EBF3: variants seen among roughly 807,000 people sequenced by gnomAD.
EBF3 encodes the protein EBF transcription factor 3.
Under a neutral mutation model 77.1 loss-of-function variants are expected in EBF3, and 18 were observed. That is an observed-to-expected ratio of 0.23 (90% confidence interval 0.16 to 0.35). EBF3 has a LOEUF of 0.35. EBF3 is among the 10% of genes least tolerant of loss of function. The pLI, the probability that EBF3 is intolerant of heterozygous loss-of-function variation, is 1.00. For missense variants in EBF3, 558 were observed against 860.0 expected (o/e 0.65, Z 4.39); for synonymous variants, 350 against 343.5 (o/e 1.02, Z -0.21).
At position 129,864,889 on chromosome 10, in the gene EBF3, TC is replaced by T. The variant is rs773585334; in HGVS notation, c.1039+2251del. Among the ~76,000 whole-genome samples, 6 of 152,174 alleles carry T rather than the reference TC, an allele frequency of 3.9e-5. No homozygotes were observed. Among genetic ancestry groups the T allele is most frequent in the Non-Finnish European group, 8.8e-5 (6 of 68,030 alleles). On this transcript the variant is annotated intron_variant, in intron 10 of 16. Transcript: ENST00000440978. This position sits in a 1 kb window ranked among gnomAD's most constrained non-coding sequence, Gnocchi z 4.4. Reference sequence around the variant, plus strand: ...AGCCGAAGTTCACCCTCAGTGACTTTCCACAGGAAGGACCATTTATGGAGTG... The same window carrying T: ...AGCCGAAGTTCACCCTCAGTGACTTTCACAGGAAGGACCATTTATGGAGTG...
At chr10:129,892,187 C>T (rs561350076) in intron 6 of EBF3, among the ~76,000 whole-genome samples, 189 of 152,344 alleles carry the variant, frequency 1.2e-3, no homozygotes, top group African/African-American at 4.2e-3. Context: ...TGATGAGTAG[C>T]GGGGCTCTTA....
chr10:129,910,017 G>A (rs912158447), intron 6 of EBF3, among the ~76,000 whole-genome samples: 16 of 152,344 alleles, frequency 1.1e-4, no homozygotes, highest in Middle Eastern at 6.8e-3. Context: ...CAGATCCGCC[G>A]ACACCAGCAG....
At chr10:129,888,529 C>G (rs1239024155) in intron 6 of EBF3, among the ~76,000 whole-genome samples, 2 of 152,244 alleles carry the variant, frequency 1.3e-5, no homozygotes, top group African/African-American at 4.8e-5. Context: ...CTACTGATAC[C>G]TGCGCTTTTG....
At chr10:129,866,146 G>A (rs886131386) in intron 10 of EBF3, among the ~76,000 whole-genome samples, 3 of 152,172 alleles carry the variant, frequency 2.0e-5, no homozygotes, top group Admixed American at 6.5e-5. Context: ...TTTTGAGATA[G>A]GGTCTTGCTT....
At chr10:129,910,921 G>A (rs1282501034) in intron 6 of EBF3, among the ~76,000 whole-genome samples, 1 of 152,186 alleles carries the variant, frequency 6.6e-6, no homozygotes, top group Non-Finnish European at 1.5e-5. Context: ...TGGGGCACAG[G>A]TGCCAGCAGG....
chr10:129,959,608 C>T (rs1296982655), intron 4 of EBF3, among the ~76,000 whole-genome samples: 2 of 151,782 alleles, frequency 1.3e-5, no homozygotes, highest in African/African-American at 2.4e-5. Flanking sequence ...CGCGGCTTCC[C>T]GCGTTCCAAA....
intron 15 of EBF3, 118 bp downstream of exon 15, chr10:129,840,127 C>T (rs929696967): frequency 8.6e-5 from 115 of 1,342,280 alleles, no homozygotes; most frequent in Non-Finnish European, 1.1e-4. Flanking sequence ...AGGTGGGCCA[C>T]GGGAGAACAT....
In EBF3 at chr10:129,842,389, C is replaced by G. The variant is rs1850136852; in HGVS notation, c.1195-96G>C. ...CCACCATGGTGGCATCCCACTGTCCCTTGCCCAGACCATGACCAAATCTAT... is the reference window on the plus strand; with the variant it reads ...CCACCATGGTGGCATCCCACTGTCCGTTGCCCAGACCATGACCAAATCTAT... On this transcript the variant is annotated intron_variant, in intron 12 of 16. Coordinates refer to ENST00000440978, the MANE Select transcript of EBF3 (RefSeq NM_001375380.1). The surrounding 1 kb of genome is among the most constrained non-coding windows in gnomAD (Gnocchi z 4.4). The G allele has an allele frequency of 2.9e-6, 4 of 1,392,316 alleles. No homozygotes were observed. Among genetic ancestry groups the G allele is most frequent in the African/African-American group, 2.9e-5 (2 of 68,834 alleles). 86.2% of individuals were successfully genotyped at this position (1,392,316 alleles called of 1,614,324 possible). A position where few individuals can be genotyped will look rare whatever the true frequency, so the allele number is the denominator to read the frequency against.
intron 10 of EBF3, among the ~76,000 whole-genome samples, chr10:129,850,614 G>A (rs1450121328): frequency 6.6e-6 from 1 of 152,172 alleles, no homozygotes; most frequent in Non-Finnish European, 1.5e-5. Context: ...CCCTTCCAGG[G>A]GCTGGGCTAC....
intron 6 of EBF3, among the ~76,000 whole-genome samples, chr10:129,923,985 G>A (rs756172000): frequency 9.9e-5 from 15 of 152,162 alleles, no homozygotes; most frequent in African/African-American, 2.9e-4. Flanking sequence ...TGGAATAGCC[G>A]TTTGCCCAAA....
At chr10:129,906,749 T>C (rs1049864930) in intron 6 of EBF3, among the ~76,000 whole-genome samples, 2 of 152,120 alleles carry the variant, frequency 1.3e-5, no homozygotes, top group Admixed American at 6.5e-5. Context: ...TCATAGTCAA[T>C]AGAAGCTTTT....
chr10:129,896,528 G>A (rs1042896955), intron 6 of EBF3, among the ~76,000 whole-genome samples: 1 of 152,164 alleles, frequency 6.6e-6, no homozygotes, highest in Non-Finnish European at 1.5e-5. Flanking sequence ...GTGTGGGGGT[G>A]CGACAGGCCC....
chr10:129,842,566 C>T lies in EBF3; in HGVS notation c.1195-273G>A, dbSNP rs981802018. On this transcript the variant is annotated intron_variant, in intron 12 of 16. Transcript: ENST00000440978. This position sits in a 1 kb window ranked among gnomAD's most constrained non-coding sequence, Gnocchi z 4.4. ...ATCATCTGAGGTCAGGAGTTCAAGA[C>T]CAGCCTGGCCAACATGGCGAAATCC... Among the ~76,000 whole-genome samples, 4 of 152,104 alleles carry T rather than the reference C, an allele frequency of 2.6e-5. No homozygotes were observed. Among genetic ancestry groups the T allele is most frequent in the Admixed American group, 2.6e-4 (4 of 15,276 alleles).
rs1348894107 is a variant in EBF3, at chr10:129,901,331, G to A, written c.555-23482C>T. ...TTTATTTTTATTACAAATATTGATGGTAACTCACAGGCACTTACTTCATTG... is the reference window on the plus strand; with the variant it reads ...TTTATTTTTATTACAAATATTGATGATAACTCACAGGCACTTACTTCATTG... On this transcript the variant is annotated intron_variant, in intron 6 of 16. Coordinates refer to ENST00000440978, the MANE Select transcript of EBF3 (RefSeq NM_001375380.1). 2.6e-5 allele frequency among the ~76,000 whole-genome samples: 4 copies of A among 152,162 alleles called. No individual in the cohort carries two copies. The South Asian group carries it at 8.3e-4, about 31-fold the overall frequency.
rs543513832 is a variant in EBF3 at position 129,963,838 on chromosome 10, G to A, written c.-70C>T. On this transcript the variant is annotated 5_prime_UTR_variant, in exon 1 of 17. Transcript: ENST00000440978. This position sits in a 1 kb window ranked among gnomAD's most constrained non-coding sequence, Gnocchi z 7.1. Reference sequence around the variant, plus strand: ...CTCGAGCAGCGGCGCTCGGGGCTTGGCGGCAGGCGGCTGCCCTGGCCGCCC... The same window carrying A: ...CTCGAGCAGCGGCGCTCGGGGCTTGACGGCAGGCGGCTGCCCTGGCCGCCC... The A allele has an allele frequency of 1.5e-5, 22 of 1,447,964 alleles. No homozygotes were observed. In the South Asian group the frequency reaches 2.6e-4, roughly 17 times the overall value. 89.7% of individuals were successfully genotyped at this position (1,447,964 alleles called of 1,614,324 possible).
intron 6 of EBF3, among the ~76,000 whole-genome samples, chr10:129,887,393 G>C (rs1435583149): frequency 6.6e-6 from 1 of 152,190 alleles, no homozygotes; most frequent in African/African-American, 2.4e-5. Flanking sequence ...GGGCAATAAA[G>C]ATACATTAGT....
intron 6 of EBF3, among the ~76,000 whole-genome samples, chr10:129,894,570 G>A (rs1451304032): frequency 6.6e-6 from 1 of 152,152 alleles, no homozygotes; most frequent in Non-Finnish European, 1.5e-5. Flanking sequence ...AGACCGAGCT[G>A]GAAGGAGGCT....
At position 129,958,925 on chromosome 10, in the gene EBF3, G is replaced by GCCGCTCA. The variant is rs771802130; in HGVS notation, c.485+2_485+8dup. ...CCCGCGCCCCCGCCGCCCGCCGCCC[G>GCCGCTCA]CCGCTCACCTGCACATGATCTCGTG... On this transcript the variant is annotated intron_variant, in intron 5 of 16. Coordinates refer to ENST00000440978, the MANE Select transcript of EBF3 (RefSeq NM_001375380.1). 1.9e-6 allele frequency: 3 copies of GCCGCTCA among 1,585,068 alleles called. No individual in the cohort carries two copies. Among genetic ancestry groups the GCCGCTCA allele is most frequent in the African/African-American group, 2.8e-5 (2 of 70,928 alleles).
Position 129,843,164 on chromosome 10 carries a change from G to A in EBF3, c.1167C>T (p.Ala389=), listed in dbSNP as rs1404692025. The A allele has an allele frequency of 1.2e-6, 2 of 1,613,444 alleles. No homozygotes were observed. Among genetic ancestry groups the A allele is most frequent in the Non-Finnish European group, 8.5e-7 (1 of 1,179,760 alleles). The change falls in exon 12 of 17, where the codon GCC becomes GCT. Residue 389 remains alanine (A), a synonymous_variant. Transcript: ENST00000440978. ...GGTTGTTGTGAGGCATTCCGTATAA[G>A]GCTTCCACCAGGTCCGCCGCCCGCT... ...LLKRAADLVE[A]LYGMPHNNQE...
Sources: gnomAD v4.1 joint callset for allele counts (sites outside exome capture counted in the v4.1 genomes callset) on GRCh38, gnomAD v4.1.1 for gene constraint, Gnocchi (gnomAD v3.1) non-coding constraint, MANE v1.5 for transcripts, NCBI Gene and HGNC (gene_info 2026-07-23, HGNC 2026-07-21) for gene names.